UNKL: variants seen among roughly 807,000 people sequenced by gnomAD.
UNKL encodes the protein unk like zinc finger, also known as putative E3 ubiquitin-protein ligase UNKL.
UNKL carries 60 observed loss-of-function variants against 78.0 expected under a neutral mutation model. The ratio of observed to expected loss-of-function variants is 0.77; its 90% confidence interval spans 0.63 to 0.95. The LOEUF (loss-of-function observed/expected upper bound fraction) is 0.95. Ranked by LOEUF, UNKL falls within the 40% of genes least tolerant of loss-of-function variation. UNKL has a pLI of 0.00. For missense variants in UNKL, 1,159 were observed against 1,045.7 expected (o/e 1.11, Z -1.49); for synonymous variants, 608 against 474.8 (o/e 1.28, Z -3.65).
chr16:1,377,088 T>C (rs2036292806), intron 10 of UNKL, among the ~76,000 whole-genome samples: 1 of 151,908 alleles, frequency 6.6e-6, no homozygotes, highest in Non-Finnish European at 1.5e-5. Context: ...AATGGCGCGA[T>C]CTCAGCTCAC....
At chr16:1,392,761 TC>T in intron 8 of UNKL, 129 bp downstream of exon 8, 1 of 1,125,370 alleles carries the variant, frequency 8.9e-7, no homozygotes, top group South Asian at 1.5e-5. Context: ...TCTAGACTCT[TC>T]TAGAAGAGCC....
Position 1,381,915 on chromosome 16 carries a change from C to T in UNKL, c.1264+3293G>A, listed in dbSNP as rs140162303. Among the ~76,000 whole-genome samples, 219 of 152,300 alleles carry T rather than the reference C, an allele frequency of 1.4e-3. 1 individual carries two copies. The highest frequency in any genetic ancestry group is 5.0e-3 in the African/African-American group (209 of 41,558). ...AGCTGACTGTACCACTGCACTCCTGCCTGGGTGACAGGGCAAGACCCTGTC... is the reference window on the plus strand; with the variant it reads ...AGCTGACTGTACCACTGCACTCCTGTCTGGGTGACAGGGCAAGACCCTGTC... On this transcript the variant is annotated intron_variant, in intron 10 of 14. Transcript: ENST00000389221.
At chr16:1,382,476 C>T (rs1470486594) in intron 10 of UNKL, among the ~76,000 whole-genome samples, 2 of 152,096 alleles carry the variant, frequency 1.3e-5, no homozygotes, top group African/African-American at 4.8e-5. Context: ...CCCGACCAAG[C>T]CCCACCACTG....
chr16:1,375,746 C>T (rs368182219), intron 10 of UNKL, among the ~76,000 whole-genome samples: 8 of 152,334 alleles, frequency 5.3e-5, no homozygotes, highest in African/African-American at 1.7e-4. Flanking sequence ...CTCAAGGATG[C>T]TCATCGGCGG....
At position 1,392,967 on chromosome 16, in the gene UNKL, C is replaced by T. The variant is rs906556084; in HGVS notation, c.947G>A (p.Gly316Glu). The T allele has an allele frequency of 6.4e-7, 1 of 1,550,530 alleles. No individual in the cohort carries two copies. The highest frequency in any genetic ancestry group is 2.0e-5 in the Admixed American group (1 of 51,004). Reference sequence around the variant, plus strand: ...GTGACAGCCCCATTCATTCACCATCCCCAGGCTCTCTGCAAGGACAGGGGA... The same window carrying T: ...GTGACAGCCCCATTCATTCACCATCTCCAGGCTCTCTGCAAGGACAGGGGA... ...CAFAHVEKSL[G>E]MVNEWGCHDL... The change falls in exon 8 of 15, where the codon GGG becomes GAG. Residue 316 changes from glycine to glutamate, a missense_variant. Transcript: ENST00000389221.
chr16:1,413,967 G>A lies in UNKL; in HGVS notation c.166C>T (p.His56Tyr). ...CTGCGGCGCCGCTGGTTGAGGAAGT[G>A]CCAGTGGAAGCAGGTGAACGGCCGG... Reference protein sequence around the residue: ...QHRPFTCFHWHFLNQRRRRPL... With the variant: ...QHRPFTCFHWYFLNQRRRRPL... The change falls in exon 2 of 15, where the codon CAC becomes TAC. Residue 56 changes from histidine (H) to tyrosine (Y), a missense_variant. Physicochemically the swap from His to Tyr is moderately conservative, Grantham distance 83. Transcript: ENST00000389221. The A allele has an allele frequency of 6.4e-7, 1 of 1,552,746 alleles. No individual in the cohort carries two copies. The highest frequency in any genetic ancestry group is 1.2e-5 in the South Asian group (1 of 84,220).
intron 2 of UNKL, among the ~76,000 whole-genome samples, chr16:1,404,424 CAG>C (rs956409774): frequency 2.6e-5 from 4 of 152,212 alleles, no homozygotes; most frequent in Admixed American, 6.5e-5. Flanking sequence ...GGTCAGGAAA[CAG>C]AGACACAGAG....
In UNKL at chr16:1,363,325, G is replaced by GCTACAAGTAAATGA; in HGVS notation, c.*2901_*2914dup. 5.6e-6 allele frequency: 3 copies of GCTACAAGTAAATGA among 534,882 alleles called. No individual in the cohort carries two copies. Among genetic ancestry groups the GCTACAAGTAAATGA allele is most frequent in the Non-Finnish European group, 1.0e-5 (3 of 296,840 alleles). 33.1% of individuals were successfully genotyped at this position (534,882 alleles called of 1,614,324 possible). On this transcript the variant is annotated 3_prime_UTR_variant, in exon 15 of 15. Coordinates refer to ENST00000389221, the MANE Select transcript of UNKL (RefSeq NM_001372107.1). ...AACAAGTGTTAACTTTAAACAGTTC[G>GCTACAAGTAAATGA]CTACAAGTAAATGATTATAAATACT... is the stretch of plus-strand genomic sequence containing the variant.
Position 1,400,143 on chromosome 16 carries a change from G to A in UNKL, c.599-634C>T, listed in dbSNP as rs200145893. On this transcript the variant is annotated intron_variant, in intron 4 of 14. Transcript: ENST00000389221. Reference sequence around the variant, plus strand: ...ATTTTTAGAAGTCATTCACTGGGCCGGACGTGGTGGCTCACGCCTGTTATC... The same window carrying A: ...ATTTTTAGAAGTCATTCACTGGGCCAGACGTGGTGGCTCACGCCTGTTATC... 1.1e-4 allele frequency among the ~76,000 whole-genome samples: 17 copies of A among 152,104 alleles called. No individual in the cohort carries two copies. The East Asian group carries it at 2.5e-3, about 22-fold the overall frequency.
rs1394579847 is a variant in UNKL, at chr16:1,366,088, G to A, written c.*152C>T. The A allele has an allele frequency of 4.8e-5, 43 of 891,970 alleles. No homozygotes were observed. Among genetic ancestry groups the A allele is most frequent in the South Asian group, 3.9e-4 (15 of 38,092 alleles). The allele number at this position is 891,970 out of a possible 1,614,324, so 55.3% of individuals were successfully genotyped here. ...AAAGGCTGTCAGGCCAAGCGCAGGC[G>A]GGGCTCCCAGCCTCATGATAACGTG... On this transcript the variant is annotated 3_prime_UTR_variant, in exon 15 of 15. Transcript: ENST00000389221.
chr16:1,399,394 G>A lies in UNKL; in HGVS notation c.714C>T (p.Asn238=), dbSNP rs1478121066. 5.0e-6 allele frequency: 8 copies of A among 1,600,924 alleles called. No homozygotes were observed. Among genetic ancestry groups the A allele is most frequent in the Non-Finnish European group, 6.0e-6 (7 of 1,173,664 alleles). The change falls in exon 5 of 15, where the codon AAC becomes AAT. Residue 238 remains asparagine, a synonymous_variant. Transcript: ENST00000389221. The surrounding 1 kb of genome is among the most constrained non-coding windows in gnomAD (Gnocchi z 5.8). The part of the protein sequence containing the change: ...HYHNSRDRRR[N]PRRFQYRSTP... ...CTCACCTGTACTGGAACCGCCGGGGGTTGCGCCGCCTGTCCCGGCTATTGT... is the reference window on the plus strand; with the variant it reads ...CTCACCTGTACTGGAACCGCCGGGGATTGCGCCGCCTGTCCCGGCTATTGT...
chr16:1,413,090 C>A (rs1177361881), intron 2 of UNKL, among the ~76,000 whole-genome samples: 2 of 151,750 alleles, frequency 1.3e-5, no homozygotes, highest in African/African-American at 4.8e-5. Flanking sequence ...CCTACAAAAA[C>A]TATGCAAAAT....
At chr16:1,396,643 G>C (rs1268031555) in intron 6 of UNKL, among the ~76,000 whole-genome samples, 1 of 151,974 alleles carries the variant, frequency 6.6e-6, no homozygotes, top group African/African-American at 2.4e-5. Flanking sequence ...GCCCAGGCCA[G>C]AGTGCAGTGG....
chr16:1,388,782 C>T (rs562156656), intron 9 of UNKL, among the ~76,000 whole-genome samples: 3 of 152,126 alleles, frequency 2.0e-5, no homozygotes, highest in East Asian at 1.9e-4. Flanking sequence ...CCACCAGCAC[C>T]GTTCACACCA....
chr16:1,407,102 T>G (rs1419504009), intron 2 of UNKL, among the ~76,000 whole-genome samples: 1 of 148,700 alleles, frequency 6.7e-6, no homozygotes, highest in Non-Finnish European at 1.5e-5. Flanking sequence ...TGAGCCGAGA[T>G]CGTGTCACTG....
At position 1,367,691 on chromosome 16, in the gene UNKL, G is replaced by A. The variant is rs757213369; in HGVS notation, c.1753C>T (p.Arg585Trp). 73 of 1,580,218 alleles carry A rather than the reference G, an allele frequency of 4.6e-5. No individual in the cohort carries two copies. In the Admixed American group the frequency reaches 6.0e-4, roughly 13 times the overall value. Residue 585 changes from arginine to tryptophan, a missense_variant, in exon 13 of 15, where the codon CGG becomes TGG. By Grantham distance (101) the Arg-to-Trp change is moderately radical. Transcript: ENST00000389221. The part of the protein sequence containing the change: ...RQLDEAKRKI[R>W]QWEESWQQVK... The stretch of plus-strand genomic sequence containing the variant: ...TGCTGCCAGGACTCCTCCCACTGCC[G>A]GATCTTCCTCTTGGCCTCGTCCAGC...
At chr16:1,413,586 A>G (rs765772541) in intron 2 of UNKL, among the ~76,000 whole-genome samples, 1 of 152,370 alleles carries the variant, frequency 6.6e-6, no homozygotes, top group South Asian at 2.1e-4. Context: ...AAACAAAAAA[A>G]AGTGGGAGGT....
At chr16:1,376,277 G>C (rs578025586) in intron 10 of UNKL, among the ~76,000 whole-genome samples, 1 of 132,972 alleles carries the variant, frequency 7.5e-6, no homozygotes, top group South Asian at 2.5e-4. Flanking sequence ...TCCAGGGCTG[G>C]GGCACGCTCC....
Position 1,397,069 on chromosome 16 carries a change from C to T in UNKL, c.852+109G>A, listed in dbSNP as rs1018731067. 3.9e-5 allele frequency: 48 copies of T among 1,243,198 alleles called. No individual in the cohort carries two copies. In the East Asian group the frequency reaches 9.5e-4, roughly 25 times the overall value. 77.0% of individuals were successfully genotyped at this position (1,243,198 alleles called of 1,614,324 possible). On this transcript the variant is annotated intron_variant, in intron 6 of 14. Coordinates refer to ENST00000389221, the MANE Select transcript of UNKL (RefSeq NM_001372107.1). ...AGGCTTCCCGACCTGTGCCAGCCCT[C>T]GGCCAAAGTTAATCACTGTTCCTTC...
Sources: gnomAD v4.1 joint callset for allele counts (sites outside exome capture counted in the v4.1 genomes callset) on GRCh38, gnomAD v4.1.1 for gene constraint, Gnocchi (gnomAD v3.1) non-coding constraint, MANE v1.5 for transcripts, NCBI Gene and HGNC (gene_info 2026-07-23, HGNC 2026-07-21) for gene names.